The following DEPTOR variants were observed in gnomAD, a reference collection of about 807,000 sequenced individuals.
DEPTOR encodes DEP domain containing MTOR interacting protein, also known as DEP domain-containing mTOR-interacting protein.
A neutral mutation model predicts 41.6 loss-of-function variants in DEPTOR; 41 were observed. The ratio of observed to expected loss-of-function variants is 0.98; its 90% CI spans 0.77 to 1.28. DEPTOR has a LOEUF of 1.28. Among genes scored for constraint, DEPTOR ranks in the 50% most tolerant of loss-of-function variants. The probability of loss-of-function intolerance (pLI) is 0.00; values close to 1 mark genes in which losing one functional copy is unlikely to be tolerated. For synonymous variants in DEPTOR, 195 were observed against 192.3 expected, an observed-to-expected ratio of 1.01 and a Z score of -0.12; for missense variants, 514 against 527.9, an observed-to-expected ratio of 0.97 and a Z score of 0.26.
intron 1 of DEPTOR, among the ~76,000 whole-genome samples, chr8:119,927,598 A>G (rs1827979363): frequency 6.8e-6 from 1 of 147,108 alleles, no homozygotes; most frequent in African/African-American, 2.5e-5. Context: ...TATTATATAT[A>G]TATAAATATA....
intron 3 of DEPTOR, among the ~76,000 whole-genome samples, chr8:119,932,513 A>G (rs182629413): frequency 1.0e-3 from 153 of 152,340 alleles, no homozygotes; most frequent in Non-Finnish European, 1.7e-3. Flanking sequence ...CCAGTCACAC[A>G]GCACTGTGTA....
At chr8:120,025,764 C>A (rs966486489) in intron 8 of DEPTOR, among the ~76,000 whole-genome samples, 1 of 151,960 alleles carries the variant, frequency 6.6e-6, no homozygotes, top group Non-Finnish European at 1.5e-5. Flanking sequence ...TAGCTGGTCC[C>A]CTTTCGTCTG....
chr8:119,900,580 G>T (rs1827577869), intron 1 of DEPTOR, among the ~76,000 whole-genome samples: 1 of 151,166 alleles, frequency 6.6e-6, no homozygotes, highest in South Asian at 2.1e-4. Context: ...GGAATGACAA[G>T]GTCTCACTAT....
intron 7 of DEPTOR, among the ~76,000 whole-genome samples, chr8:120,007,712 A>G (rs1812465796): frequency 1.3e-5 from 2 of 152,180 alleles, no homozygotes; most frequent in South Asian, 2.1e-4. Context: ...GCTGAGGGCT[A>G]TTTCACATTC....
intron 1 of DEPTOR, among the ~76,000 whole-genome samples, chr8:119,889,736 G>A (rs373215844): frequency 1.1e-3 from 165 of 151,524 alleles, no homozygotes; most frequent in African/African-American, 3.6e-3. Flanking sequence ...GGGGGCTTAA[G>A]ACCATAAACC....
At chr8:119,973,984 CA>C (rs1828664820) in intron 4 of DEPTOR, among the ~76,000 whole-genome samples, 1 of 151,978 alleles carries the variant, frequency 6.6e-6, no homozygotes, top group Non-Finnish European at 1.5e-5. Flanking sequence ...AGGCCACATC[CA>C]GACAGAAATT....
At chr8:120,006,470 G>A (rs1450015469) in intron 6 of DEPTOR, among the ~76,000 whole-genome samples, 2 of 151,724 alleles carry the variant, frequency 1.3e-5, no homozygotes, top group Non-Finnish European at 2.9e-5. Context: ...GTTGCAGTGA[G>A]CCGAGATCGC....
At chr8:119,918,874 C>A (rs1357343446) in intron 1 of DEPTOR, among the ~76,000 whole-genome samples, 1 of 151,838 alleles carries the variant, frequency 6.6e-6, no homozygotes, top group African/African-American at 2.4e-5. Flanking sequence ...GACTACAGGC[C>A]TGAGCCACCG....
chr8:119,887,620 C>T (rs551917919), intron 1 of DEPTOR, among the ~76,000 whole-genome samples: 5 of 149,774 alleles, frequency 3.3e-5, no homozygotes, highest in African/African-American at 1.2e-4. Flanking sequence ...CTGCTTCAGC[C>T]TACCAAGTAG....
At chr8:119,937,905 A>G (rs571789053) in intron 3 of DEPTOR, among the ~76,000 whole-genome samples, 161 of 152,340 alleles carry the variant, frequency 1.1e-3, no homozygotes, top group African/African-American at 3.6e-3. Context: ...ATGGTCTTCA[A>G]GAAAACTTGC....
At chr8:120,041,906 GA>G (rs1471957444) in intron 8 of DEPTOR, among the ~76,000 whole-genome samples, 2 of 152,102 alleles carry the variant, frequency 1.3e-5, no homozygotes, top group African/African-American at 4.8e-5. Flanking sequence ...TATTACTTGT[GA>G]AAGTTTTGTT....
At chr8:119,924,009 C>T (rs1827932894) in intron 1 of DEPTOR, among the ~76,000 whole-genome samples, 1 of 151,574 alleles carries the variant, frequency 6.6e-6, no homozygotes. Flanking sequence ...TGTCCATACT[C>T]TATCTGTGCT....
intron 4 of DEPTOR, among the ~76,000 whole-genome samples, chr8:119,991,116 CTTT>C (rs201074261): frequency 3.0e-5 from 2 of 66,770 alleles, no homozygotes; most frequent in Non-Finnish European, 6.6e-5. Context: ...TTCTTTCTTT[CTTT>C]TTTTTTTAAA....
At chr8:119,883,815 A>G (rs1827330195) in intron 1 of DEPTOR, among the ~76,000 whole-genome samples, 1 of 152,290 alleles carries the variant, frequency 6.6e-6, no homozygotes, top group South Asian at 2.1e-4. Flanking sequence ...TTGGGCCAGT[A>G]GGTATCTATG....
chr8:120,048,059 A>G (rs1377677325), intron 8 of DEPTOR, among the ~76,000 whole-genome samples: 1 of 151,826 alleles, frequency 6.6e-6, no homozygotes, highest in Non-Finnish European at 1.5e-5. Flanking sequence ...AAATGGTGAA[A>G]TGTGATCCCT....
intron 1 of DEPTOR, among the ~76,000 whole-genome samples, chr8:119,891,637 T>TC (rs1192335863): frequency 7.2e-5 from 11 of 151,836 alleles, no homozygotes; most frequent in Admixed American, 1.3e-4. Flanking sequence ...GATATGCCTG[T>TC]CCCCCCCAGC....
At chr8:119,961,856 A>T (rs1828496902) in intron 3 of DEPTOR, among the ~76,000 whole-genome samples, 1 of 152,180 alleles carries the variant, frequency 6.6e-6, no homozygotes, top group South Asian at 2.1e-4. Context: ...CCAGACTTTC[A>T]TATGGAAGAC....
chr8:120,006,893 C>A lies in DEPTOR; in HGVS notation c.996+18C>A. On this transcript the variant is annotated intron_variant, in intron 7 of 8. Coordinates refer to ENST00000286234, the MANE Select transcript of DEPTOR (RefSeq NM_022783.4). The stretch of plus-strand genomic sequence containing the variant: ...CATTCACGGTAGGCTGATGGTCTGG[C>A]CTTTTTCTCCCGTGCTGCCCATTTT... The A allele has an allele frequency of 6.2e-7, 1 of 1,613,866 alleles. No individual in the cohort carries two copies. Among genetic ancestry groups the A allele is most frequent in the East Asian group, 2.2e-5 (1 of 44,878 alleles).
chr8:119,939,292 G>A (rs1828170578), intron 3 of DEPTOR, among the ~76,000 whole-genome samples: 1 of 152,160 alleles, frequency 6.6e-6, no homozygotes, highest in Non-Finnish European at 1.5e-5. Flanking sequence ...GTCTGCCGGG[G>A]AAGGGCCGTC....
Sources: allele counts gnomAD v4.1 joint callset (sites outside exome capture counted in the v4.1 genomes callset), GRCh38; gene constraint gnomAD v4.1.1; transcripts MANE v1.5; gene names NCBI Gene and HGNC (gene_info 2026-07-23, HGNC 2026-07-21).